CCM2: variants seen among roughly 807,000 people sequenced by gnomAD.
The protein encoded by CCM2 is cerebral cavernous malformations 2 protein.
In CCM2, 25 loss-of-function variants were observed where a neutral mutation model predicts 44.9. The ratio of observed to expected loss-of-function variants is 0.56; its 90% CI spans 0.41 to 0.78. The LOEUF is 0.78. Among genes scored for constraint, CCM2 ranks in the 30% least tolerant of loss-of-function variants. The pLI is 0.00. For synonymous variants in CCM2, 219 were observed against 241.1 expected (o/e 0.91, Z 0.85); for missense variants, 481 against 580.6 (o/e 0.83, Z 1.76).
Position 45,068,442 on chromosome 7 carries a change from G to T in CCM2, c.473-1G>T. On this transcript the variant is annotated splice_acceptor_variant, in intron 4 of 9. Coordinates refer to ENST00000258781, the MANE Select transcript of CCM2 (RefSeq NM_031443.4). LOFTEE classifies it high-confidence loss of function. ...AAACTGAGATGGTGTTGACTTCTCA[G>T]CCCAGGACCCAGGGATCTCCCCCAG... is the stretch of plus-strand genomic sequence containing the variant. The T allele has an allele frequency of 6.2e-7, 1 of 1,614,080 alleles. No individual in the cohort carries two copies. The highest frequency in any genetic ancestry group is 8.5e-7 in the Non-Finnish European group (1 of 1,180,018).
At chr7:45,048,514 C>T (rs1797859908) in intron 2 of CCM2, among the ~76,000 whole-genome samples, 1 of 152,172 alleles carries the variant, frequency 6.6e-6, no homozygotes, top group African/African-American at 2.4e-5. Flanking sequence ...AAAGTAGAAA[C>T]ATTCCTCTGG....
Position 45,027,813 on chromosome 7 carries a change from G to T in CCM2, c.31-10440G>T, listed in dbSNP as rs755722007. 24 of 1,613,820 alleles carry T rather than the reference G, an allele frequency of 1.5e-5. 1 individual carries two copies. The South Asian group carries it at 2.6e-4, about 18-fold the overall frequency. Reference sequence around the variant, plus strand: ...GGAGAATGAGGTAGGTGCAAGTCCAGTGTGGAAAGCGCCATTTAGAATGAT... The same window carrying T: ...GGAGAATGAGGTAGGTGCAAGTCCATTGTGGAAAGCGCCATTTAGAATGAT... On this transcript the variant is annotated intron_variant, in intron 1 of 9. Transcript: ENST00000258781.
chr7:45,069,954 G>C lies in CCM2; in HGVS notation c.738G>C (p.Leu246=), dbSNP rs757373814. The C allele has an allele frequency of 1.2e-6, 2 of 1,613,898 alleles. No individual in the cohort carries two copies. Among genetic ancestry groups the C allele is most frequent in the South Asian group, 2.2e-5 (2 of 91,090 alleles). ...CTACCCCGACCCACCACCTGTCCCT[G>C]CACAGCGGTATGTTGAGTGAGAGTG... ...GASTPTHHLS[L]HSDDSSTKVD... Residue 246 remains leucine, a synonymous_variant, in exon 6 of 10, where the codon CTG becomes CTC. Coordinates refer to ENST00000258781, the MANE Select transcript of CCM2 (RefSeq NM_031443.4).
At position 45,073,553 on chromosome 7, in the gene CCM2, G is replaced by A. The variant is rs1799192419; in HGVS notation, c.897G>A (p.Leu299=). The change falls in exon 8 of 10, where the codon CTG becomes CTA. Residue 299 remains leucine, a synonymous_variant. Coordinates refer to ENST00000258781, the MANE Select transcript of CCM2 (RefSeq NM_031443.4). Reference sequence around the variant, plus strand: ...TGAGCGCCAGCGCCACTGAGCTGCTGCAGGACTACATGCTGACGGTAGGCC... The same window carrying A: ...TGAGCGCCAGCGCCACTGAGCTGCTACAGGACTACATGCTGACGGTAGGCC... ...SELSASATEL[L]QDYMLTLRTK... 4 of 1,611,562 alleles carry A rather than the reference G, an allele frequency of 2.5e-6. No homozygotes were observed. The highest frequency in any genetic ancestry group is 3.4e-6 in the Non-Finnish European group (4 of 1,179,244).
At chr7:45,049,540 G>T (rs1324501948) in intron 2 of CCM2, among the ~76,000 whole-genome samples, 2 of 152,012 alleles carry the variant, frequency 1.3e-5, no homozygotes, top group East Asian at 1.9e-4. Context: ...AAACTGCCTC[G>T]TCCATTTTAA....
intron 1 of CCM2, among the ~76,000 whole-genome samples, chr7:45,001,159 C>T (rs533687971): frequency 6.6e-6 from 1 of 152,330 alleles, no homozygotes; most frequent in East Asian, 1.9e-4. Context: ...GATTTTACTA[C>T]CCTGAACTCT....
intron 1 of CCM2, among the ~76,000 whole-genome samples, chr7:45,015,536 GT>G (rs1207664364): frequency 6.6e-6 from 1 of 152,216 alleles, no homozygotes; most frequent in Non-Finnish European, 1.5e-5. Flanking sequence ...GTAAAGGTCA[GT>G]TACACAGCTC....
intron 6 of CCM2, chr7:45,071,601 G>A (rs1799075851): frequency 2.8e-6 from 1 of 357,330 alleles, no homozygotes; most frequent in East Asian, 7.5e-5. Context: ...TACGTTAAGA[G>A]TCCATTGTGG....
In CCM2 at chr7:45,063,939, A is replaced by G; in HGVS notation, c.226A>G (p.Ile76Val). Residue 76 changes from isoleucine to valine, a missense_variant, in exon 3 of 10, where the codon ATA (isoleucine) becomes GTA (valine). By Grantham distance (29) the Ile-to-Val change is conservative. Transcript: ENST00000258781. ...TCAGTATTTAGGTCAGTTAACGTCC[A>G]TACCAGGATACCTGAATCCCTCCAG... is the stretch of plus-strand genomic sequence containing the variant. ...EVKYLGQLTS[I>V]PGYLNPSSRT... The G allele has an allele frequency of 1.2e-6, 2 of 1,613,036 alleles. No homozygotes were observed. Among genetic ancestry groups the G allele is most frequent in the South Asian group, 1.1e-5 (1 of 91,062 alleles).
intron 6 of CCM2, chr7:45,070,345 G>T (rs1489204511): frequency 5.0e-6 from 2 of 400,738 alleles, no homozygotes; most frequent in Admixed American, 3.0e-5. Flanking sequence ...CTCCTTTTCA[G>T]TATGCCCAGA....
At chr7:45,030,438 A>G (rs1297295901) in intron 1 of CCM2, among the ~76,000 whole-genome samples, 1 of 152,146 alleles carries the variant, frequency 6.6e-6, no homozygotes, top group Non-Finnish European at 1.5e-5. Context: ...CCATTTAATT[A>G]TTTCCCTCGT....
At chr7:45,015,720 C>T (rs1326418859) in intron 1 of CCM2, among the ~76,000 whole-genome samples, 1 of 152,114 alleles carries the variant, frequency 6.6e-6, no homozygotes. Flanking sequence ...CGTCCTGGTT[C>T]CTTAAGCGTG....
chr7:45,015,713 C>T (rs73105875), intron 1 of CCM2, among the ~76,000 whole-genome samples: 8,246 of 152,242 alleles, frequency 0.054, 271 homozygotes, highest in African/African-American at 0.082. Context: ...CCCAGGACGT[C>T]CTGGTTCCTT....
At chr7:45,024,274 A>G (rs926486957) in intron 1 of CCM2, among the ~76,000 whole-genome samples, 1 of 152,242 alleles carries the variant, frequency 6.6e-6, no homozygotes, top group East Asian at 1.9e-4. Flanking sequence ...ACCATTCAGC[A>G]GTCAGTCAAA....
intron 6 of CCM2, chr7:45,070,292 G>A (rs1309125413): frequency 2.6e-6 from 1 of 382,400 alleles, no homozygotes; most frequent in Admixed American, 3.6e-5. Flanking sequence ...TAGCACTGGG[G>A]CCTGTGATGG....
chr7:45,051,437 G>A (rs1134103), intron 2 of CCM2, among the ~76,000 whole-genome samples: 101 of 151,810 alleles, frequency 6.7e-4, no homozygotes, highest in African/African-American at 2.2e-3. Flanking sequence ...TCGTTCTGTC[G>A]CCCAGCCTGG....
At chr7:45,072,310 G>A (rs1799119224) in intron 6 of CCM2, 1 of 345,760 alleles carries the variant, frequency 2.9e-6, no homozygotes, top group Admixed American at 4.0e-5. Context: ...TGTGTGACCT[G>A]GGCCAAGTTG....
At chr7:45,045,128 T>C (rs1363435047) in intron 2 of CCM2, among the ~76,000 whole-genome samples, 1 of 152,210 alleles carries the variant, frequency 6.6e-6, no homozygotes, top group Admixed American at 6.5e-5. Context: ...TCAACAAATA[T>C]ATGTTGAACA....
At chr7:45,062,871 A>G (rs1052481166) in intron 2 of CCM2, among the ~76,000 whole-genome samples, 3 of 151,046 alleles carry the variant, frequency 2.0e-5, no homozygotes, top group African/African-American at 7.3e-5. Context: ...TAGGAGGTTT[A>G]AGGTTGAAGG....
Sources: allele counts gnomAD v4.1 joint callset (sites outside exome capture counted in the v4.1 genomes callset), GRCh38; gene constraint gnomAD v4.1.1; transcripts MANE v1.5; gene names NCBI Gene and HGNC (gene_info 2026-07-23, HGNC 2026-07-21).